Variants in WDR64 observed in about 807,000 individuals in gnomAD.
WDR64 encodes WD repeat-containing protein 64.
A neutral mutation model predicts 139.3 loss-of-function variants in WDR64; 112 were observed. The ratio of observed to expected loss-of-function variants is 0.80; its 90% CI spans 0.69 to 0.94. WDR64 has a LOEUF of 0.94. Ranked by LOEUF, WDR64 falls within the 40% of genes least tolerant of loss-of-function variation. WDR64 has a pLI of 0.00. For missense variants in WDR64, 1,206 were observed against 1,293.1 expected (o/e 0.93, Z 1.03); for synonymous variants, 444 against 437.7 (o/e 1.01, Z -0.18).
intron 8 of WDR64, among the ~76,000 whole-genome samples, chr1:241,706,740 AT>A (rs1667967459): frequency 6.6e-6 from 1 of 152,184 alleles, no homozygotes; most frequent in South Asian, 2.1e-4. Context: ...CTAGCAGTGA[AT>A]TTGGTTATTT....
chr1:241,687,304 T>C (rs1384719324), intron 7 of WDR64, among the ~76,000 whole-genome samples, 157 bp from the exon 8 acceptor site: 1 of 126,512 alleles, frequency 7.9e-6, no homozygotes, highest in African/African-American at 3.0e-5. Flanking sequence ...AGACTCCATC[T>C]AAAAAAAAAA....
In WDR64 at chr1:241,656,870, T is replaced by TTGTGTGTGTGTGTGTG. The variant is rs199635140; in HGVS notation, c.146-3634_146-3619dup. Among the ~76,000 whole-genome samples, 1 of 86,720 alleles carries TTGTGTGTGTGTGTGTG rather than the reference T, an allele frequency of 1.2e-5. No individual in the cohort carries two copies. The highest frequency in any genetic ancestry group is 4.4e-5 in the African/African-American group (1 of 22,500). The allele number at this position is 86,720 out of a possible 152,430, so 56.9% of individuals were successfully genotyped here. A position where few individuals can be genotyped will look rare whatever the true frequency, so the allele number is the denominator to read the frequency against. The stretch of plus-strand genomic sequence containing the variant: ...AAATGTCTCAAGTCTTTGCCAAATG[T>TTGTGTGTGTGTGTGTG]TGTGTGTGTGTGTGTGTGTGTGTGT... On this transcript the variant is annotated intron_variant, in intron 1 of 27. Transcript: ENST00000437684. The surrounding 1 kb of genome is among the most constrained non-coding windows in gnomAD (Gnocchi z 4.3).
At chr1:241,741,443 T>C in intron 11 of WDR64, 73 bp from the exon 12 acceptor site, 1 of 1,417,050 alleles carries the variant, frequency 7.1e-7, no homozygotes, top group Non-Finnish European at 9.4e-7. Flanking sequence ...CAAACCCAAC[T>C]GCTTGGCTGA....
chr1:241,680,536 A>T (rs1406580249), intron 6 of WDR64, among the ~76,000 whole-genome samples: 1 of 152,138 alleles, frequency 6.6e-6, no homozygotes, highest in Non-Finnish European at 1.5e-5. Flanking sequence ...TCAATCCCAT[A>T]GAAGCCTTTA....
chr1:241,674,630 T>C lies in WDR64; in HGVS notation c.380-14T>C. On this transcript the variant is annotated splice_polypyrimidine_tract_variant and intron_variant, in intron 3 of 27. Coordinates refer to ENST00000437684, the MANE Select transcript of WDR64 (RefSeq NM_001367482.1). ...TACTGCTGAAAGTTGAAATGAATAT[T>C]ATGCTGTTGACAGGTAGTAGAAGAC... 1.3e-6 allele frequency: 2 copies of C among 1,499,646 alleles called. No individual in the cohort carries two copies. Among genetic ancestry groups the C allele is most frequent in the Non-Finnish European group, 1.8e-6 (2 of 1,107,416 alleles). 92.9% of individuals were successfully genotyped at this position (1,499,646 alleles called of 1,614,324 possible).
chr1:241,693,382 AG>A (rs766449059), intron 8 of WDR64, among the ~76,000 whole-genome samples: 2 of 152,234 alleles, frequency 1.3e-5, no homozygotes, highest in Non-Finnish European at 2.9e-5. Context: ...GACAGTAAAA[AG>A]ATCAGTGGTT....
intron 8 of WDR64, among the ~76,000 whole-genome samples, chr1:241,708,696 T>G (rs945248019): frequency 1.5e-5 from 1 of 68,822 alleles, no homozygotes; most frequent in South Asian, 3.8e-4. Context: ...TCCATGGTTT[T>G]TTTTTTTGTT....
chr1:241,733,058 A>G (rs918870976), intron 10 of WDR64, among the ~76,000 whole-genome samples: 1 of 152,166 alleles, frequency 6.6e-6, no homozygotes, highest in African/African-American at 2.4e-5. Context: ...CTTTTCTTTG[A>G]TATTTTGTGA....
chr1:241,771,902 A>G (rs1294334994), intron 19 of WDR64, among the ~76,000 whole-genome samples: 1 of 143,532 alleles, frequency 7.0e-6, no homozygotes, highest in Admixed American at 7.3e-5. Flanking sequence ...ATATACATAC[A>G]TACACACATA....
chr1:241,657,442 C>T (rs970090259), intron 1 of WDR64, among the ~76,000 whole-genome samples: 5 of 152,206 alleles, frequency 3.3e-5, no homozygotes, highest in African/African-American at 1.2e-4. Flanking sequence ...TGCCCTCCTT[C>T]GCCCCTGGTC....
At chr1:241,677,926 G>A (rs987436772) in intron 4 of WDR64, among the ~76,000 whole-genome samples, 6 of 152,186 alleles carry the variant, frequency 3.9e-5, no homozygotes, top group African/African-American at 1.2e-4. Context: ...AAAGAAGGAA[G>A]ACAATGATTA....
At chr1:241,767,416 G>C (rs1283061947) in intron 16 of WDR64, among the ~76,000 whole-genome samples, 2 of 151,614 alleles carry the variant, frequency 1.3e-5, no homozygotes, top group Non-Finnish European at 2.9e-5. Context: ...TAAGTAATAA[G>C]TTCTCCCCAG....
intron 21 of WDR64, among the ~76,000 whole-genome samples, chr1:241,776,346 T>C (rs146182422): frequency 0.016 from 2,362 of 152,292 alleles, 81 homozygotes; most frequent in African/African-American, 0.054. Flanking sequence ...CCCAAAGCAC[T>C]GGGATTACAG....
At chr1:241,680,060 C>T (rs1198437596) in intron 6 of WDR64, among the ~76,000 whole-genome samples, 7 of 152,140 alleles carry the variant, frequency 4.6e-5, no homozygotes, top group Admixed American at 4.6e-4. Context: ...CATTTGCAGA[C>T]ACTTAGAAGT....
chr1:241,763,480 C>T (rs1045175917), intron 15 of WDR64, among the ~76,000 whole-genome samples: 2 of 152,182 alleles, frequency 1.3e-5, no homozygotes, highest in African/African-American at 2.4e-5. Flanking sequence ...GAGGCCAAGG[C>T]GGGCAGATAA....
chr1:241,726,977 C>G (rs141233006), intron 10 of WDR64, among the ~76,000 whole-genome samples: 5,273 of 152,046 alleles, frequency 0.035, 153 homozygotes, highest in African/African-American at 0.062. Flanking sequence ...ACCTCTGCCT[C>G]CCAGGTTCAA....
In WDR64 at chr1:241,656,326, A is replaced by G. The variant is rs528041796; in HGVS notation, c.145+3697A>G. On this transcript the variant is annotated intron_variant, in intron 1 of 27. Transcript: ENST00000437684. This position sits in a 1 kb window ranked among gnomAD's most constrained non-coding sequence, Gnocchi z 4.3. ...TTAATGGAACAGGGTCTGCCTCAGA[A>G]ATGATATCAAGTAGATTGAAGGAAT... Among the ~76,000 whole-genome samples the G allele has an allele frequency of 2.0e-5, 3 of 152,338 alleles. No individual in the cohort carries two copies. Among genetic ancestry groups the G allele is most frequent in the Admixed American group, 6.5e-5 (1 of 15,308 alleles).
chr1:241,709,768 A>G (rs1056149456), intron 8 of WDR64, among the ~76,000 whole-genome samples: 4 of 152,172 alleles, frequency 2.6e-5, no homozygotes, highest in African/African-American at 7.2e-5. Flanking sequence ...TTGCAATACT[A>G]TTTCTAGAAA....
intron 10 of WDR64, among the ~76,000 whole-genome samples, chr1:241,734,226 T>C (rs1477037881): frequency 6.6e-6 from 1 of 152,126 alleles, no homozygotes; most frequent in African/African-American, 2.4e-5. Flanking sequence ...CTTTCCGGAC[T>C]TAACCAATGT....
Sources: gnomAD v4.1 joint callset for allele counts (sites outside exome capture counted in the v4.1 genomes callset) on GRCh38, gnomAD v4.1.1 for gene constraint, Gnocchi (gnomAD v3.1) non-coding constraint, MANE v1.5 for transcripts, NCBI Gene and HGNC (gene_info 2026-07-23, HGNC 2026-07-21) for gene names.